The following CHSY1 variants were observed in gnomAD, a reference collection of about 807,000 sequenced individuals.
The protein encoded by CHSY1 is N-acetylgalactosaminyl-proteoglycan 3-beta-glucuronosyltransferase 1.
A neutral mutation model predicts 59.8 loss-of-function variants in CHSY1; 13 were observed. The ratio of observed to expected loss-of-function variants is 0.22; its 90% CI spans 0.14 to 0.35. The LOEUF is 0.35. CHSY1 is among the 10% of genes least tolerant of loss of function. The pLI is 1.00. For synonymous variants in CHSY1, 459 were observed against 401.2 expected, an observed-to-expected ratio of 1.14 and a Z score of -1.72; for missense variants, 947 against 1,030.6, an observed-to-expected ratio of 0.92 and a Z score of 1.11.
intron 2 of CHSY1, among the ~76,000 whole-genome samples, chr15:101,224,412 A>G (rs1046385167): frequency 2.6e-5 from 4 of 152,250 alleles, no homozygotes; most frequent in Non-Finnish European, 5.9e-5. Context: ...ACCCAGGGCT[A>G]AATGGGATGA....
intron 1 of CHSY1, among the ~76,000 whole-genome samples, chr15:101,239,857 G>C (rs2038985470): frequency 6.6e-6 from 1 of 152,192 alleles, no homozygotes; most frequent in Non-Finnish European, 1.5e-5. Flanking sequence ...TGAGGATGAA[G>C]CTTCATTATA....
At chr15:101,189,680 C>G (rs1291000229) in intron 2 of CHSY1, 2 of 153,752 alleles carry the variant, frequency 1.3e-5, no homozygotes, top group Admixed American at 1.3e-4. Flanking sequence ...TCACCTCCTT[C>G]TAGGATATTT....
chr15:101,222,691 C>T (rs2038802015), intron 2 of CHSY1, among the ~76,000 whole-genome samples: 2 of 152,122 alleles, frequency 1.3e-5, no homozygotes, highest in African/African-American at 4.8e-5. Flanking sequence ...AAAATCCCAC[C>T]CCTTGGTTTT....
At chr15:101,229,933 C>T (rs890496924) in intron 2 of CHSY1, among the ~76,000 whole-genome samples, 1 of 151,396 alleles carries the variant, frequency 6.6e-6, no homozygotes, top group Non-Finnish European at 1.5e-5. Flanking sequence ...ATATTAGAGA[C>T]TTCAATATCC....
intron 1 of CHSY1, among the ~76,000 whole-genome samples, chr15:101,244,664 A>G (rs1030486998): frequency 1.3e-5 from 2 of 152,232 alleles, no homozygotes; most frequent in Non-Finnish European, 2.9e-5. Flanking sequence ...CTACACAAAC[A>G]TACACTTTTG....
At chr15:101,250,874 C>G (rs2039101197) in intron 1 of CHSY1, among the ~76,000 whole-genome samples, 1 of 152,192 alleles carries the variant, frequency 6.6e-6, no homozygotes, top group South Asian at 2.1e-4. Flanking sequence ...GGCTAAAGTG[C>G]CTTCATCAGG....
rs191028691 is a variant in CHSY1 at position 101,198,204 on chromosome 15, C to T, written c.817-19224G>A. Among the ~76,000 whole-genome samples, 294 of 152,270 alleles carry T rather than the reference C, an allele frequency of 1.9e-3. 1 individual carries two copies. Among genetic ancestry groups the T allele is most frequent in the African/African-American group, 6.8e-3 (282 of 41,552 alleles). ...TCTGTGTCTCCAGGCTCTTTCCTCT[C>T]CTGCAGCTGTCTGTCACCTAAGCAC... On this transcript the variant is annotated intron_variant, in intron 2 of 2. Transcript: ENST00000254190.
intron 2 of CHSY1, among the ~76,000 whole-genome samples, chr15:101,229,400 G>C (rs532857289): frequency 6.6e-6 from 1 of 152,134 alleles, no homozygotes; most frequent in Non-Finnish European, 1.5e-5. Context: ...GTAACCAAGA[G>C]AGCTGGAGTC....
intron 2 of CHSY1, 134 bp downstream of exon 2, chr15:101,234,948 G>C: frequency 8.5e-7 from 1 of 1,182,462 alleles, no homozygotes; most frequent in African/African-American, 1.5e-5. Flanking sequence ...TTTAATCTAA[G>C]GCTAAAAATG....
At chr15:101,228,060 C>T (rs1191813231) in intron 2 of CHSY1, among the ~76,000 whole-genome samples, 4 of 151,334 alleles carry the variant, frequency 2.6e-5, no homozygotes, top group Admixed American at 6.6e-5. Context: ...AAAAAGCAGC[C>T]AATACGGCGA....
In CHSY1 at chr15:101,192,548, T is replaced by A. The variant is rs369157939; in HGVS notation, c.817-13568A>T. 4.6e-5 allele frequency among the ~76,000 whole-genome samples: 7 copies of A among 152,066 alleles called. No individual in the cohort carries two copies. In the East Asian group the frequency reaches 7.8e-4, roughly 17 times the overall value. ...TCCCAAACAATATGGCAACAAGAGC[T>A]AAGACAAGGGGACTTTCAAATACAG... On this transcript the variant is annotated intron_variant, in intron 2 of 2. Coordinates refer to ENST00000254190, the MANE Select transcript of CHSY1 (RefSeq NM_014918.5).
rs1282758048 is a variant in CHSY1 at position 101,176,277 on chromosome 15, GA to G, written c.*1110del. 1.0e-5 allele frequency: 4 copies of G among 398,258 alleles called. No individual in the cohort carries two copies. The highest frequency in any genetic ancestry group is 1.8e-5 in the Non-Finnish European group (4 of 225,966). 24.7% of individuals were successfully genotyped at this position (398,258 alleles called of 1,614,324 possible). A position where few individuals can be genotyped will look rare whatever the true frequency, so the allele number is the denominator to read the frequency against. On this transcript the variant is annotated 3_prime_UTR_variant, in exon 3 of 3. Transcript: ENST00000254190. ...ACAAAGGATAAAACAAAACAGTAAT[GA>G]AAGAATGAAAACCATCTCCACCCAC...
At chr15:101,248,574 G>C (rs2039073696) in intron 1 of CHSY1, among the ~76,000 whole-genome samples, 2 of 152,248 alleles carry the variant, frequency 1.3e-5, no homozygotes, top group East Asian at 3.9e-4. Context: ...AAAAGAAAGG[G>C]AGAACCCCGC....
At chr15:101,204,984 C>G (rs1463623808) in intron 2 of CHSY1, among the ~76,000 whole-genome samples, 1 of 152,072 alleles carries the variant, frequency 6.6e-6, no homozygotes, top group East Asian at 1.9e-4. Flanking sequence ...ACTAATTTTT[C>G]GCAATACTAC....
rs2039112445 is a variant in CHSY1, at chr15:101,251,482, C to G, written c.-26G>C. On this transcript the variant is annotated 5_prime_UTR_variant, in exon 1 of 3. Coordinates refer to ENST00000254190, the MANE Select transcript of CHSY1 (RefSeq NM_014918.5). ...GCCCGCGCCGCTCCGCCCGCCGGGC[C>G]GCCGCCGCAGGCTCCGCGCGCCCTC... The G allele has an allele frequency of 3.4e-6, 2 of 583,070 alleles. No homozygotes were observed. The allele number at this position is 583,070 out of a possible 1,614,324, so 36.1% of individuals were successfully genotyped here.
intron 2 of CHSY1, among the ~76,000 whole-genome samples, chr15:101,214,878 T>C (rs2038716119): frequency 6.6e-6 from 1 of 150,512 alleles, no homozygotes; most frequent in African/African-American, 2.5e-5. Flanking sequence ...CATGCATAGG[T>C]GGGAGGTGGC....
intron 2 of CHSY1, among the ~76,000 whole-genome samples, chr15:101,209,285 T>C (rs1567096723): frequency 6.6e-6 from 1 of 152,186 alleles, no homozygotes; most frequent in East Asian, 1.9e-4. Flanking sequence ...TGCAAACTGA[T>C]AAACATTCCA....
intron 2 of CHSY1, among the ~76,000 whole-genome samples, chr15:101,191,041 T>C (rs187712226): frequency 3.3e-5 from 5 of 152,320 alleles, no homozygotes; most frequent in Admixed American, 1.3e-4. Flanking sequence ...CATACTCTTA[T>C]AGGATCCAAC....
chr15:101,232,829 G>A (rs942870842), intron 2 of CHSY1, among the ~76,000 whole-genome samples: 1 of 152,236 alleles, frequency 6.6e-6, no homozygotes, highest in Non-Finnish European at 1.5e-5. Flanking sequence ...AGAGCTCTGG[G>A]CACTGCAGGT....
Sources: gnomAD v4.1 joint callset for allele counts (sites outside exome capture counted in the v4.1 genomes callset) on GRCh38, gnomAD v4.1.1 for gene constraint, MANE v1.5 for transcripts, NCBI Gene and HGNC (gene_info 2026-07-23, HGNC 2026-07-21) for gene names.